The following PRKAR1A variants were observed in gnomAD, a reference collection of about 807,000 sequenced individuals.
PRKAR1A encodes cAMP-dependent protein kinase type I-alpha regulatory subunit.
A neutral mutation model predicts 52.0 loss-of-function variants in PRKAR1A; 3 were observed. The observed-to-expected ratio is 0.06, with a 90% CI of 0.03 to 0.15. The LOEUF (loss-of-function observed/expected upper bound fraction) is 0.15, where lower values mean the gene tolerates loss of function less well. Among genes scored for constraint, PRKAR1A ranks in the 10% least tolerant of loss-of-function variants. The pLI, the probability that PRKAR1A is intolerant of heterozygous loss-of-function variation, is 1.00. For missense variants in PRKAR1A, 240 were observed against 477.4 expected (o/e 0.50, Z 4.63); for synonymous variants, 188 against 168.4 (o/e 1.12, Z -0.90).
chr17:68,426,253 G>GGGGT, the PRKAR1A span: 7 of 841,006 alleles, frequency 8.3e-6, 2 homozygotes, highest in South Asian at 2.6e-5. Context: ...GGGGAGCGGG[G>GGGGT]GCTCAAATAA....
chr17:68,436,853 G>A, the PRKAR1A span, among the ~76,000 whole-genome samples: 1 of 152,084 alleles, frequency 6.6e-6, no homozygotes, highest in African/African-American at 2.4e-5. Flanking sequence ...AAATAGCTGG[G>A]CATGGTGGTG....
chr17:68,449,061 A>G, the PRKAR1A span, among the ~76,000 whole-genome samples: 1 of 152,230 alleles, frequency 6.6e-6, no homozygotes, highest in Non-Finnish European at 1.5e-5. Flanking sequence ...ATAAATTTAA[A>G]AAGCATTTAT....
chr17:68,453,564 C>T, the PRKAR1A span, among the ~76,000 whole-genome samples: 4 of 151,388 alleles, frequency 2.6e-5, no homozygotes, highest in Non-Finnish European at 4.4e-5. Flanking sequence ...CTCCAACCTC[C>T]GCCTCCTGGG....
the PRKAR1A span, among the ~76,000 whole-genome samples, chr17:68,431,685 A>T: frequency 8.7e-5 from 1 of 11,488 alleles, no homozygotes; most frequent in Non-Finnish European, 1.9e-4. Context: ...TGCTAAAGAC[A>T]CGTTCAAGGG....
upstream of PRKAR1A, among the ~76,000 whole-genome samples, chr17:68,509,213 G>A (rs181413097): frequency 6.6e-6 from 1 of 152,178 alleles, no homozygotes; most frequent in Non-Finnish European, 1.5e-5. Context: ...GAGTGGGAAG[G>A]TCTTGCTGTG....
the PRKAR1A span, among the ~76,000 whole-genome samples, chr17:68,498,721 G>A: frequency 6.6e-6 from 1 of 152,258 alleles, no homozygotes; most frequent in Non-Finnish European, 1.5e-5. Context: ...CTGCCCGCTT[G>A]CTTCCTGTGC....
At chr17:68,524,431 A>C (rs2085718180) in intron 5 of PRKAR1A, among the ~76,000 whole-genome samples, 1 of 152,164 alleles carries the variant, frequency 6.6e-6, no homozygotes. Context: ...TACATTCTTC[A>C]TTGTATAGCC....
At chr17:68,430,123 C>A in the PRKAR1A span, 1 of 1,614,034 alleles carries the variant, frequency 6.2e-7, no homozygotes, top group Non-Finnish European at 8.5e-7. Flanking sequence ...AACATCTTTC[C>A]CATGTAGCCA....
At chr17:68,541,017 C>A (rs1388648933) in intron 11 of PRKAR1A, 1 of 1,547,156 alleles carries the variant, frequency 6.5e-7, no homozygotes, top group Non-Finnish European at 8.7e-7. Context: ...TGTCGGGGGT[C>A]TCCCCACACC....
chr17:68,430,314 C>T, the PRKAR1A span, among the ~76,000 whole-genome samples: 8 of 152,180 alleles, frequency 5.3e-5, no homozygotes, highest in Admixed American at 2.6e-4. Flanking sequence ...CAATCCAGGA[C>T]GTATTATTCT....
At chr17:68,491,545 C>T in the PRKAR1A span, among the ~76,000 whole-genome samples, 2 of 151,974 alleles carry the variant, frequency 1.3e-5, no homozygotes, top group East Asian at 1.9e-4. Flanking sequence ...TTGAGAAGGG[C>T]GTGGAAGTAA....
chr17:68,505,568 T>A, the PRKAR1A span, among the ~76,000 whole-genome samples: 3 of 152,220 alleles, frequency 2.0e-5, no homozygotes, highest in Non-Finnish European at 4.4e-5. Flanking sequence ...ATCCTAGCAC[T>A]TTGGGAGGCC....
the PRKAR1A span, among the ~76,000 whole-genome samples, chr17:68,505,159 A>G: frequency 3.3e-5 from 5 of 152,142 alleles, no homozygotes; most frequent in Admixed American, 1.3e-4. Context: ...CTAGCTGAGC[A>G]TGGTGGTGTG....
chr17:68,486,050 G>A, the PRKAR1A span, among the ~76,000 whole-genome samples: 4 of 152,042 alleles, frequency 2.6e-5, no homozygotes, highest in Admixed American at 2.6e-4. Flanking sequence ...AAGTTTCAGT[G>A]ATCGAGCCCC....
the PRKAR1A span, chr17:68,427,107 C>G: frequency 1.3e-6 from 2 of 1,577,824 alleles, no homozygotes; most frequent in Non-Finnish European, 1.7e-6. Flanking sequence ...GTTGGAGATG[C>G]TCCCCTGTTG....
chr17:68,525,637 A>G, intron 6 of PRKAR1A, 117 bp from the exon 7 acceptor site: 2 of 1,128,096 alleles, frequency 1.8e-6, no homozygotes, highest in Non-Finnish European at 2.7e-6. Context: ...AACATAATAT[A>G]TTCTGTTTTT....
At chr17:68,460,161 G>C in the PRKAR1A span, among the ~76,000 whole-genome samples, 1 of 152,072 alleles carries the variant, frequency 6.6e-6, no homozygotes, top group African/African-American at 2.4e-5. Flanking sequence ...TGAATATCCG[G>C]TGTGTATTTT....
chr17:68,529,405 T>C (rs767916551), intron 9 of PRKAR1A, among the ~76,000 whole-genome samples: 1 of 152,240 alleles, frequency 6.6e-6, no homozygotes, highest in Non-Finnish European at 1.5e-5. Context: ...CATGGAAATG[T>C]ATAGCAGATA....
At chr17:68,501,311 C>T in the PRKAR1A span, among the ~76,000 whole-genome samples, 3 of 152,206 alleles carry the variant, frequency 2.0e-5, no homozygotes, top group Non-Finnish European at 4.4e-5. Context: ...CTCCCTTTAA[C>T]CTCTCACTGT....
Sources: allele counts gnomAD v4.1 joint callset (sites outside exome capture counted in the v4.1 genomes callset), GRCh38; gene constraint gnomAD v4.1.1; transcripts MANE v1.5; gene names NCBI Gene and HGNC (gene_info 2026-07-23, HGNC 2026-07-21).